Variants in ATP9B observed in about 807,000 individuals in gnomAD.
ATP9B encodes the protein ATPase phospholipid transporting 9B, also known as probable phospholipid-transporting ATPase IIB.
ATP9B carries 110 observed loss-of-function variants against 146.1 expected under a neutral mutation model. The ratio of observed to expected loss-of-function variants is 0.75; its 90% CI spans 0.65 to 0.88. The LOEUF is 0.88. Ranked by LOEUF, ATP9B falls within the 40% of genes least tolerant of loss-of-function variation. The pLI is 0.00. For missense variants in ATP9B, 1,499 were observed against 1,496.4 expected (o/e 1.00, Z -0.03); for synonymous variants, 604 against 569.7 (o/e 1.06, Z -0.86).
intron 11 of ATP9B, among the ~76,000 whole-genome samples, chr18:79,245,038 G>A (rs1162014318): frequency 6.6e-6 from 1 of 152,114 alleles, no homozygotes; most frequent in East Asian, 1.9e-4. Flanking sequence ...CAGAACTCCT[G>A]GGCTCCTAGG....
Position 79,118,390 on chromosome 18 carries a change from GTTTT to G in ATP9B, c.558+5061_558+5064del, listed in dbSNP as rs752788043. On this transcript the variant is annotated intron_variant, in intron 4 of 29. Coordinates refer to ENST00000426216, the MANE Select transcript of ATP9B (RefSeq NM_198531.5). ...AAACACAATCATATTGAACGTTTTTGTTTTTTTTTTTTTTTTTTTTTTTTTTTTG... is the reference window on the plus strand; with the variant it reads ...AAACACAATCATATTGAACGTTTTTGTTTTTTTTTTTTTTTTTTTTTTTTG... Among the ~76,000 whole-genome samples the G allele has an allele frequency of 9.8e-4, 91 of 93,276 alleles. 3 individuals are homozygous for G. Among genetic ancestry groups the G allele is most frequent in the African/African-American group, 3.4e-3 (86 of 25,658 alleles). 61.2% of individuals were successfully genotyped at this position (93,276 alleles called of 152,430 possible).
Position 79,125,489 on chromosome 18 carries a change from A to G in ATP9B, c.559-778A>G, listed in dbSNP as rs193286973. ...ACAGAAAACAAAAAACTGAAATAAA[A>G]AAGATTATTGTGCTTTCAGTGGACA... On this transcript the variant is annotated intron_variant, in intron 4 of 29. Transcript: ENST00000426216. 1.1e-4 allele frequency among the ~76,000 whole-genome samples: 16 copies of G among 152,354 alleles called. No homozygotes were observed. The East Asian group carries it at 2.7e-3, about 26-fold the overall frequency.
intron 27 of ATP9B, 54 bp from the exon 28 acceptor site, chr18:79,373,844 T>C (rs1211397696): frequency 1.3e-6 from 2 of 1,588,356 alleles, no homozygotes; most frequent in African/African-American, 2.7e-5. Flanking sequence ...CTGTTTCCTC[T>C]AGCTGGCTTA....
intron 20 of ATP9B, among the ~76,000 whole-genome samples, chr18:79,342,801 A>G (rs556438606): frequency 1.3e-5 from 2 of 152,284 alleles, no homozygotes; most frequent in African/African-American, 4.8e-5. Flanking sequence ...TATTGATTAA[A>G]AAAATTACAT....
At position 79,263,355 on chromosome 18, in the gene ATP9B, G is replaced by A. The variant is rs555217847; in HGVS notation, c.1268+9814G>A. On this transcript the variant is annotated intron_variant, in intron 12 of 29. Coordinates refer to ENST00000426216, the MANE Select transcript of ATP9B (RefSeq NM_198531.5). ...CAAGTGGACCCTCCATGTCTGCGGG[G>A]TTCGCCTCCCAGGAATACTGTGTTT... Among the ~76,000 whole-genome samples the A allele has an allele frequency of 5.9e-5, 9 of 152,316 alleles. No homozygotes were observed. In the South Asian group the frequency reaches 1.9e-3, roughly 32 times the overall value.
chr18:79,301,737 G>T (rs2096591946), intron 13 of ATP9B, among the ~76,000 whole-genome samples: 1 of 152,148 alleles, frequency 6.6e-6, no homozygotes, highest in African/African-American at 2.4e-5. Flanking sequence ...CCAGTTTAAA[G>T]GTGCTTCATA....
chr18:79,271,655 T>G (rs1209230853), intron 12 of ATP9B, among the ~76,000 whole-genome samples: 1 of 152,230 alleles, frequency 6.6e-6, no homozygotes, highest in Non-Finnish European at 1.5e-5. Flanking sequence ...ACATTTGGGT[T>G]GGTTCCAAGT....
At chr18:79,198,066 A>G (rs1310033126) in intron 9 of ATP9B, among the ~76,000 whole-genome samples, 2 of 152,242 alleles carry the variant, frequency 1.3e-5, no homozygotes, top group African/African-American at 4.8e-5. Flanking sequence ...ATAGTTGAAT[A>G]TAAAACAAGT....
chr18:79,295,876 A>T (rs1379773943), intron 13 of ATP9B, among the ~76,000 whole-genome samples: 1 of 152,266 alleles, frequency 6.6e-6, no homozygotes. Context: ...GGCCCTCATC[A>T]GACACCAAAT....
Position 79,227,704 on chromosome 18 carries a change from G to T in ATP9B, c.1107+13666G>T, listed in dbSNP as rs375259881. Among the ~76,000 whole-genome samples, 8 of 152,220 alleles carry T rather than the reference G, an allele frequency of 5.3e-5. 1 individual carries two copies. In the South Asian group the frequency reaches 1.7e-3, roughly 32 times the overall value. On this transcript the variant is annotated intron_variant, in intron 11 of 29. Transcript: ENST00000426216. ...ATCCCTCAGCATCTCACCTCCCCCC[G>T]ACTGTTCTCCTTCCTCACTGCATGT... is the stretch of plus-strand genomic sequence containing the variant.
At chr18:79,234,589 G>GTGCTTGCTGTGGGAC (rs2095822615) in intron 11 of ATP9B, among the ~76,000 whole-genome samples, 1 of 150,534 alleles carries the variant, frequency 6.6e-6, no homozygotes, top group Admixed American at 6.6e-5. Flanking sequence ...TGCTGTGGGT[G>GTGCTTGCTGTGGGAC]TGCTTGCTGT....
chr18:79,079,538 G>A (rs890567940), intron 1 of ATP9B, among the ~76,000 whole-genome samples: 1 of 152,090 alleles, frequency 6.6e-6, no homozygotes, highest in Non-Finnish European at 1.5e-5. Flanking sequence ...CGTAGATTCT[G>A]CATATTAGCC....
intron 11 of ATP9B, among the ~76,000 whole-genome samples, chr18:79,243,024 C>T (rs188023934): frequency 2.0e-5 from 3 of 152,262 alleles, no homozygotes; most frequent in East Asian, 1.9e-4. Context: ...TTTTTGAAAA[C>T]GATGTAATTC....
In ATP9B at chr18:79,377,644, G is replaced by C; in HGVS notation, c.*261G>C. The C allele has an allele frequency of 2.0e-6, 1 of 506,532 alleles. No homozygotes were observed. Among genetic ancestry groups the C allele is most frequent in the South Asian group, 2.3e-5 (1 of 43,550 alleles). 31.4% of individuals were successfully genotyped at this position (506,532 alleles called of 1,614,324 possible). ...TCAGTGCGAGGCTTCACCCCTGCCA[G>C]GCAAGCCCAGGGCATAGATGCTGAG... On this transcript the variant is annotated 3_prime_UTR_variant, in exon 30 of 30. Transcript: ENST00000426216.
intron 13 of ATP9B, among the ~76,000 whole-genome samples, chr18:79,292,306 T>C (rs1264435529): frequency 2.6e-5 from 4 of 152,184 alleles, no homozygotes; most frequent in African/African-American, 9.7e-5. Flanking sequence ...CCGTAGGAAA[T>C]CCTCAGGAGT....
intron 26 of ATP9B, among the ~76,000 whole-genome samples, chr18:79,369,590 A>T (rs1264607621): frequency 2.0e-5 from 3 of 151,680 alleles, no homozygotes; most frequent in Non-Finnish European, 4.4e-5. Flanking sequence ...GGCTGGGAGA[A>T]TAAATTATAA....
Position 79,277,173 on chromosome 18 carries a change from T to G in ATP9B, c.1388T>G (p.Val463Gly), listed in dbSNP as rs1328757493. 1 of 1,614,124 alleles carries G rather than the reference T, an allele frequency of 6.2e-7. No homozygotes were observed. Among genetic ancestry groups the G allele is most frequent in the Non-Finnish European group, 8.5e-7 (1 of 1,180,046 alleles). ...ATCCCAGAGGAACTTGGGCGCCTGG[T>G]GTATTTATTGACAGACAAAACAGGT... ...STIPEELGRL[V>G]YLLTDKTGTL... The change falls in exon 13 of 30, where the codon GTG becomes GGG. Residue 463 changes from valine to glycine, a missense_variant. Physicochemically the swap from Val to Gly is moderately radical, Grantham distance 109. Coordinates refer to ENST00000426216, the MANE Select transcript of ATP9B (RefSeq NM_198531.5).
intron 6 of ATP9B, among the ~76,000 whole-genome samples, chr18:79,149,958 A>G (rs1468957885): frequency 2.0e-5 from 3 of 152,006 alleles, no homozygotes; most frequent in Admixed American, 1.3e-4. Flanking sequence ...GTGTGCACCT[A>G]TAGTCCTAGC....
At chr18:79,275,700 G>T (rs2096300670) in intron 12 of ATP9B, among the ~76,000 whole-genome samples, 1 of 152,256 alleles carries the variant, frequency 6.6e-6, no homozygotes, top group African/African-American at 2.4e-5. Context: ...GCACCAAGAG[G>T]CCAAGTGGCT....
Sources: gnomAD v4.1 joint callset for allele counts (sites outside exome capture counted in the v4.1 genomes callset) on GRCh38, gnomAD v4.1.1 for gene constraint, MANE v1.5 for transcripts, NCBI Gene and HGNC (gene_info 2026-07-23, HGNC 2026-07-21) for gene names.